Variants in CYSLTR1 observed in about 807,000 individuals in gnomAD.
CYSLTR1 encodes the protein cysteinyl leukotriene receptor 1.
CYSLTR1 carries 1 observed loss-of-function variant against 2.1 expected under a neutral mutation model. The observed-to-expected ratio is 0.48, with a 90% CI of 0.17 to 2.28. The LOEUF (loss-of-function observed/expected upper bound fraction) is 2.28. CYSLTR1 is among the 30% of genes most tolerant of loss of function. CYSLTR1 has a pLI of 0.26. For synonymous variants in CYSLTR1, 110 were observed against 89.6 expected (o/e 1.23, Z -1.28); for missense variants, 299 against 250.1 (o/e 1.20, Z -1.32).
At position 78,272,657 on chromosome X, in the gene CYSLTR1, T is replaced by A. The variant is rs1308537891; in HGVS notation, c.*76A>T. 4.0e-6 allele frequency: 4 copies of A among 1,000,831 alleles called. No individual in the cohort carries two copies. Among genetic ancestry groups the A allele is most frequent in the African/African-American group, 2.0e-5 (1 of 51,176 alleles). The allele number at this position is 1,000,831 out of a possible 1,213,427, so 82.5% of individuals were successfully genotyped here. A position where few individuals can be genotyped will look rare whatever the true frequency, so the allele number is the denominator to read the frequency against. On this transcript the variant is annotated 3_prime_UTR_variant, in exon 3 of 3. Coordinates refer to ENST00000373304, the MANE Select transcript of CYSLTR1 (RefSeq NM_006639.4). ...GTAAAATATTAAGTAAAATTTTTAT[T>A]TTTTTTGTAAATGATTTGACAAAAT...
At chrX:78,287,566 T>C (rs1922124703) in intron 1 of CYSLTR1, among the ~76,000 whole-genome samples, 1 of 112,052 alleles carries the variant, frequency 8.9e-6, no homozygotes, top group Non-Finnish European at 1.9e-5. Context: ...GTATAAATTA[T>C]ACCTTTAAAA....
intron 1 of CYSLTR1, among the ~76,000 whole-genome samples, chrX:78,294,060 C>T (rs371301078): frequency 1.8e-4 from 20 of 112,144 alleles, no homozygotes; most frequent in East Asian, 1.7e-3. Context: ...GGAGAGGAGG[C>T]GCTCTGATTT....
chrX:78,324,130 A>G (rs749115313), intron 1 of CYSLTR1, among the ~76,000 whole-genome samples: 1 of 112,061 alleles, frequency 8.9e-6, no homozygotes, highest in East Asian at 2.8e-4. Flanking sequence ...GGATAGAAGA[A>G]TTTATACAGT....
At chrX:78,326,401 A>C (rs1347092946) in intron 1 of CYSLTR1, among the ~76,000 whole-genome samples, 3 of 112,113 alleles carry the variant, frequency 2.7e-5, no homozygotes, top group Non-Finnish European at 5.6e-5. Context: ...ATTTAGTTAC[A>C]ATTTCTTTTA....
At chrX:78,278,796 A>T (rs778460186) in intron 2 of CYSLTR1, among the ~76,000 whole-genome samples, 1 of 112,335 alleles carries the variant, frequency 8.9e-6, no homozygotes, top group South Asian at 3.7e-4. Flanking sequence ...TTCCAGAAAT[A>T]AATCTGCACA....
At chrX:78,285,313 C>A (rs185264024) in intron 1 of CYSLTR1, among the ~76,000 whole-genome samples, 3 of 106,524 alleles carry the variant, frequency 2.8e-5, no homozygotes, top group African/African-American at 1.0e-4. Context: ...CCCAGCTACT[C>A]GGAGAGGCTG....
intron 1 of CYSLTR1, among the ~76,000 whole-genome samples, chrX:78,301,525 G>C (rs1922821293): frequency 8.9e-6 from 1 of 112,124 alleles, no homozygotes; most frequent in Non-Finnish European, 1.9e-5. Context: ...AACATAGCAA[G>C]AGTCACCTTT....
intron 2 of CYSLTR1, among the ~76,000 whole-genome samples, chrX:78,278,844 CA>C (rs1297695585): frequency 5.4e-5 from 6 of 112,029 alleles, no homozygotes; most frequent in African/African-American, 1.9e-4. Flanking sequence ...TCAACAGTAA[CA>C]AGCCATGGAG....
intron 1 of CYSLTR1, among the ~76,000 whole-genome samples, chrX:78,298,995 T>C (rs949702374): frequency 2.7e-5 from 3 of 111,226 alleles, no homozygotes; most frequent in Non-Finnish European, 3.8e-5. Flanking sequence ...TTTTTGCTGG[T>C]GATATGATTG....
intron 1 of CYSLTR1, among the ~76,000 whole-genome samples, chrX:78,316,557 C>A (rs1313348795): frequency 8.9e-6 from 1 of 111,920 alleles, no homozygotes; most frequent in Non-Finnish European, 1.9e-5. Flanking sequence ...AGGAGCGAGG[C>A]TGGCCTTGCC....
intron 1 of CYSLTR1, among the ~76,000 whole-genome samples, chrX:78,294,043 C>T (rs1922469672): frequency 8.9e-6 from 1 of 112,246 alleles, no homozygotes; most frequent in African/African-American, 3.2e-5. Flanking sequence ...AGCTGCGTTC[C>T]TTTGGAGGAG....
chrX:78,276,513 T>C (rs773862620), intron 2 of CYSLTR1, among the ~76,000 whole-genome samples: 23 of 110,767 alleles, frequency 2.1e-4, no homozygotes, highest in Non-Finnish European at 3.2e-4. Flanking sequence ...ATGGTAGTTG[T>C]TGCAGGTAGG....
intron 1 of CYSLTR1, among the ~76,000 whole-genome samples, chrX:78,318,212 G>C (rs188246649): frequency 2.9e-4 from 32 of 112,078 alleles, no homozygotes; most frequent in Non-Finnish European, 5.1e-4. Context: ...GACACAAAAA[G>C]GAATGAGATT....
intron 1 of CYSLTR1, among the ~76,000 whole-genome samples, chrX:78,297,638 A>G (rs745698272): frequency 4.5e-5 from 5 of 110,950 alleles, no homozygotes; most frequent in African/African-American, 6.5e-5. Flanking sequence ...CAATTTGTCC[A>G]TTACTTTTGG....
intron 1 of CYSLTR1, among the ~76,000 whole-genome samples, chrX:78,315,406 C>T (rs1203675822): frequency 9.0e-6 from 1 of 111,372 alleles, no homozygotes; most frequent in Non-Finnish European, 1.9e-5. Context: ...GGTCTTACAC[C>T]TTATATGCCA....
At chrX:78,275,498 G>A (rs963944403) in intron 2 of CYSLTR1, among the ~76,000 whole-genome samples, 26 of 106,860 alleles carry the variant, frequency 2.4e-4, no homozygotes, top group East Asian at 3.0e-4. Context: ...ACCAAACACC[G>A]CATGTTCTCA....
chrX:78,291,662 G>C (rs1385055404), intron 1 of CYSLTR1, among the ~76,000 whole-genome samples: 2 of 111,142 alleles, frequency 1.8e-5, no homozygotes, highest in African/African-American at 6.5e-5. Context: ...TCTATTTAGA[G>C]ATTCAACTTC....
At position 78,272,870 on chromosome X, in the gene CYSLTR1, G is replaced by A; in HGVS notation, c.877C>T (p.Leu293Phe). ...LAASNCCFDP[L>F]LYFFSGGNFR... is the part of the protein sequence containing the mutation. Reference sequence around the variant, plus strand: ...TTACCCCCAGAAAAGAAATATAGGAGAGGGTCAAAGCAACAATTGGATGCA... The same window carrying A: ...TTACCCCCAGAAAAGAAATATAGGAAAGGGTCAAAGCAACAATTGGATGCA... The change falls in exon 3 of 3, where the codon CTC becomes TTC. Residue 293 changes from leucine (L) to phenylalanine (F), a missense_variant. Transcript: ENST00000373304. 1 of 1,211,327 alleles carries A rather than the reference G, an allele frequency of 8.3e-7. No individual in the cohort carries two copies. Among genetic ancestry groups the A allele is most frequent in the East Asian group, 3.0e-5 (1 of 33,849 alleles).
intron 1 of CYSLTR1, among the ~76,000 whole-genome samples, chrX:78,299,552 C>T (rs1922725728): frequency 2.7e-5 from 3 of 110,120 alleles, no homozygotes; most frequent in African/African-American, 9.9e-5. Flanking sequence ...GATATTTCCA[C>T]CAGGTACACT....
Sources: allele counts gnomAD v4.1 joint callset (sites outside exome capture counted in the v4.1 genomes callset), GRCh38; gene constraint gnomAD v4.1.1; transcripts MANE v1.5; gene names NCBI Gene and HGNC (gene_info 2026-07-23, HGNC 2026-07-21).